Variants in ZFYVE26 observed in about 807,000 individuals in gnomAD.
ZFYVE26 encodes zinc finger FYVE domain-containing protein 26.
ZFYVE26 carries 181 observed loss-of-function variants against 276.5 expected under a neutral mutation model. The observed-to-expected ratio is 0.65, with a 90% CI of 0.58 to 0.74. ZFYVE26 has a LOEUF of 0.74. ZFYVE26 is among the 30% of genes least tolerant of loss of function. The probability of loss-of-function intolerance (pLI) is 0.00; values close to 1 mark genes in which losing one functional copy is unlikely to be tolerated. For missense variants in ZFYVE26, 2,821 were observed against 3,097.9 expected (o/e 0.91, Z 2.12); for synonymous variants, 1,129 against 1,203.1 (o/e 0.94, Z 1.27).
At chr14:67,793,440 C>A (rs2039871734) in intron 14 of ZFYVE26, among the ~76,000 whole-genome samples, 168 bp downstream of exon 14, 1 of 151,954 alleles carries the variant, frequency 6.6e-6, no homozygotes, top group African/African-American at 2.4e-5. Context: ...ATCTTTCAAT[C>A]CACCCTGCTG....
chr14:67,797,669 T>A lies in ZFYVE26; in HGVS notation c.2332+3A>T. On this transcript the variant is annotated splice_donor_region_variant and intron_variant, in intron 12 of 41. Transcript: ENST00000347230. ...GTGCATGGGAATGAGCTCTTCAGAT[T>A]ACCTGCCTGGCTCCTTCTTGTCCGA... 2.5e-6 allele frequency: 4 copies of A among 1,613,968 alleles called. No individual in the cohort carries two copies. The Middle Eastern group carries it at 4.9e-4, about 200-fold the overall frequency.
exon 14 of ZFYVE26, chr14:67,729,572 C>G: frequency 1.5e-6 from 1 of 653,240 alleles, no homozygotes; most frequent in Admixed American, 2.4e-5. Flanking sequence ...GGAAGAGTTG[C>G]TTTTCTGGCT....
rs1256916541 is a variant in ZFYVE26 at position 67,805,321 on chromosome 14, A to G, written c.1183-16T>C. 1.2e-6 allele frequency: 2 copies of G among 1,614,070 alleles called. No individual in the cohort carries two copies. Among genetic ancestry groups the G allele is most frequent in the South Asian group, 2.2e-5 (2 of 91,070 alleles). ...AGCCTGGGCCCTATGTTGATATGGG[A>G]GAAGAAAGAGATGCTGACTCAGGCA... On this transcript the variant is annotated splice_polypyrimidine_tract_variant and intron_variant, in intron 7 of 41. Transcript: ENST00000347230.
intron 40 of ZFYVE26, 62 bp from the exon 41 acceptor site, chr14:67,751,158 C>T: frequency 6.3e-7 from 1 of 1,586,902 alleles, no homozygotes. Flanking sequence ...GGAGCCAGGG[C>T]CCAACCCAGC....
intron 13 of ZFYVE26, chr14:67,735,217 G>A (rs1436103545): frequency 6.8e-6 from 10 of 1,460,286 alleles, no homozygotes; most frequent in South Asian, 2.3e-5. Flanking sequence ...ATCATTTCTC[G>A]TGGTGTTCAG....
rs193074768 is a variant in ZFYVE26, at chr14:67,753,745, C to T, written c.7150G>A (p.Val2384Ile). The part of the protein sequence containing the change: ...ACKVMLGGKN[V>I]EDGFGIAFRV... ...AAAGCAATTCCAAAACCATCTTCTA[C>T]ATTTTTCCCTCCCAGCATGACCTGA... is the stretch of plus-strand genomic sequence containing the variant. The change falls in exon 39 of 42, where the codon GTA (valine) becomes ATA (isoleucine). Residue 2384 changes from valine (V) to isoleucine (I), a missense_variant. Transcript: ENST00000347230. 120 of 1,613,658 alleles carry T rather than the reference C, an allele frequency of 7.4e-5. 2 individuals are homozygous for T. The Middle Eastern group carries it at 1.2e-3, about 16-fold the overall frequency.
intron 37 of ZFYVE26, 80 bp downstream of exon 37, chr14:67,754,971 C>CA: frequency 6.7e-7 from 1 of 1,488,058 alleles, no homozygotes; most frequent in South Asian, 1.1e-5. Flanking sequence ...AAGGAATGGA[C>CA]AAGAGTAGCT....
At chr14:67,811,907 A>T (rs2040310246) in intron 3 of ZFYVE26, among the ~76,000 whole-genome samples, 1 of 148,240 alleles carries the variant, frequency 6.7e-6, no homozygotes, top group Non-Finnish European at 1.5e-5. Flanking sequence ...GATATATAAC[A>T]TGTATTATAT....
intron 19 of ZFYVE26, 114 bp from the exon 20 acceptor site, chr14:67,784,550 G>A (rs1482093854): frequency 1.1e-6 from 1 of 916,472 alleles, no homozygotes; most frequent in Non-Finnish European, 1.8e-6. Context: ...AATATGGAGA[G>A]CCTTCTGTTA....
chr14:67,751,846 C>T (rs139711289), intron 40 of ZFYVE26, among the ~76,000 whole-genome samples: 2,285 of 151,000 alleles, frequency 0.015, 41 homozygotes, highest in African/African-American at 0.043. Flanking sequence ...TGGGCGACAG[C>T]GCGAGACTCT....
rs545921554 is a variant in ZFYVE26 at position 67,792,340 on chromosome 14, G to A, written c.2553+1268C>T. Reference sequence around the variant, plus strand: ...GCCAAGAGGGTTTTAAAAATTAGAAGAGTACTATTTTATGTTATTAAGTTT... The same window carrying A: ...GCCAAGAGGGTTTTAAAAATTAGAAAAGTACTATTTTATGTTATTAAGTTT... On this transcript the variant is annotated intron_variant, in intron 14 of 41. Transcript: ENST00000347230. Among the ~76,000 whole-genome samples the A allele has an allele frequency of 7.9e-5, 12 of 152,160 alleles. No individual in the cohort carries two copies. In the South Asian group the frequency reaches 8.3e-4, roughly 11 times the overall value.
At chr14:67,734,798 AG>A in intron 13 of ZFYVE26, among the ~76,000 whole-genome samples, 1 of 152,318 alleles carries the variant, frequency 6.6e-6, no homozygotes, top group South Asian at 2.1e-4. Context: ...GTTTTAGGAA[AG>A]GGGTGCTATT....
intron 40 of ZFYVE26, chr14:67,751,390 C>T (rs548968656): frequency 2.0e-6 from 1 of 495,932 alleles, no homozygotes; most frequent in Admixed American, 3.3e-5. Flanking sequence ...TGGGAGGTCA[C>T]CAAATGGATC....
In ZFYVE26 at chr14:67,785,864, G is replaced by A. The variant is rs1185633700; in HGVS notation, c.3298C>T (p.Leu1100=). ...CAAGCAGACAGCCTTATACCTGGCAGCTCTAGTGCCTCTCTCAGTGACTGA... is the reference window on the plus strand; with the variant it reads ...CAAGCAGACAGCCTTATACCTGGCAACTCTAGTGCCTCTCTCAGTGACTGA... The part of the protein sequence containing the change: ...VLQSLREALE[L]PEPRTPPLSS... The change falls in exon 18 of 42, where the codon CTG becomes TTG. Residue 1100 remains leucine, a synonymous_variant. Coordinates refer to ENST00000347230, the MANE Select transcript of ZFYVE26 (RefSeq NM_015346.4). 1 of 1,614,156 alleles carries A rather than the reference G, an allele frequency of 6.2e-7. No homozygotes were observed. The highest frequency in any genetic ancestry group is 1.7e-5 in the Admixed American group (1 of 60,018).
chr14:67,794,276 C>T (rs900721374), intron 12 of ZFYVE26, 37 bp from the exon 13 acceptor site: 2 of 1,597,138 alleles, frequency 1.3e-6, no homozygotes, highest in South Asian at 1.1e-5. Flanking sequence ...AGTCAATTAT[C>T]AGCTCCTTAT....
rs372682499 is a variant in ZFYVE26, at chr14:67,802,177, T to C, written c.1541A>G (p.Asn514Ser). The C allele has an allele frequency of 6.2e-7, 1 of 1,613,850 alleles. No homozygotes were observed. Among genetic ancestry groups the C allele is most frequent in the African/African-American group, 1.3e-5 (1 of 74,932 alleles). The stretch of plus-strand genomic sequence containing the variant: ...CTGGCACTGGGAGTGCTGGTGTGAG[T>C]TTACACAGAGGGCATAGATGGCATA... ...MKYAIYALCV[N>S]SHQHSQCQDC... Residue 514 changes from asparagine (N) to serine (S), a missense_variant, in exon 10 of 42, where the codon AAC (asparagine) becomes AGC (serine). Coordinates refer to ENST00000347230, the MANE Select transcript of ZFYVE26 (RefSeq NM_015346.4).
intron 35 of ZFYVE26, among the ~76,000 whole-genome samples, chr14:67,760,388 G>A (rs2038899858): frequency 6.6e-6 from 1 of 152,152 alleles, no homozygotes; most frequent in South Asian, 2.1e-4. Context: ...ATAACTTTGT[G>A]AACTGCTGAT....
At chr14:67,755,028 T>C (rs1161540203) in intron 37 of ZFYVE26, 23 bp downstream of exon 37, 2 of 1,612,980 alleles carry the variant, frequency 1.2e-6, no homozygotes. Context: ...CCCACACCAA[T>C]AGTCCCCTGA....
intron 13 of ZFYVE26, 90 bp downstream of exon 13, chr14:67,794,081 T>A: frequency 7.2e-7 from 1 of 1,398,568 alleles, no homozygotes; most frequent in African/African-American, 1.4e-5. Flanking sequence ...CAACCTTGAC[T>A]GCTCAATCCT....
Sources: allele counts gnomAD v4.1 joint callset (sites outside exome capture counted in the v4.1 genomes callset), GRCh38; gene constraint gnomAD v4.1.1; transcripts MANE v1.5; gene names NCBI Gene and HGNC (gene_info 2026-07-23, HGNC 2026-07-21).